Variants in LMBR1 observed in about 807,000 individuals in gnomAD.
LMBR1 encodes limb development membrane protein 1.
Under a neutral mutation model 73.9 loss-of-function variants are expected in LMBR1, and 52 were observed. That is an observed-to-expected ratio of 0.70 (90% CI 0.56 to 0.89). The LOEUF is 0.89. LMBR1 is among the 40% of genes least tolerant of loss of function. LMBR1 has a pLI of 0.00. For missense variants in LMBR1, 539 were observed against 579.8 expected, an observed-to-expected ratio of 0.93 and a Z score of 0.72; for synonymous variants, 215 against 209.4, an observed-to-expected ratio of 1.03 and a Z score of -0.23.
At chr7:156,671,078 G>A (rs1362157821) in intron 4 of LMBR1, among the ~76,000 whole-genome samples, 1 of 152,212 alleles carries the variant, frequency 6.6e-6, no homozygotes, top group Non-Finnish European at 1.5e-5. Context: ...AATAATGTAA[G>A]TATGCACTTC....
intron 10 of LMBR1, among the ~76,000 whole-genome samples, chr7:156,729,564 G>C (rs576085288): frequency 1.3e-5 from 2 of 150,062 alleles, no homozygotes; most frequent in Non-Finnish European, 3.0e-5. Flanking sequence ...ACGTCTGCCT[G>C]CCGGGTTCAA....
intron 10 of LMBR1, among the ~76,000 whole-genome samples, chr7:156,729,187 A>G (rs1816363301): frequency 1.3e-5 from 2 of 152,114 alleles, no homozygotes; most frequent in Admixed American, 1.3e-4. Context: ...TAAACACCTC[A>G]ATCCTGTGAT....
intron 9 of LMBR1, among the ~76,000 whole-genome samples, chr7:156,739,582 G>A (rs1033735021): frequency 8.5e-5 from 13 of 152,178 alleles, no homozygotes; most frequent in Non-Finnish European, 1.9e-4. Context: ...CTCAGCTCTA[G>A]GAAGCTCAGC....
intron 1 of LMBR1, among the ~76,000 whole-genome samples, chr7:156,864,014 T>C (rs1286226696): frequency 6.6e-6 from 1 of 151,852 alleles, no homozygotes; most frequent in African/African-American, 2.4e-5. Context: ...ATTAGCCAGC[T>C]GTGGTGGCAC....
At chr7:156,882,956 G>A (rs1283249284) in intron 1 of LMBR1, among the ~76,000 whole-genome samples, 7 of 152,094 alleles carry the variant, frequency 4.6e-5, no homozygotes, top group South Asian at 2.1e-4. Context: ...ACTTGAACCC[G>A]GGAGGTGGAG....
chr7:156,877,218 C>T (rs1368219771), intron 1 of LMBR1, among the ~76,000 whole-genome samples: 2 of 151,806 alleles, frequency 1.3e-5, no homozygotes, highest in East Asian at 3.9e-4. Flanking sequence ...GAATTAGGTA[C>T]CCCAAATAGA....
intron 5 of LMBR1, among the ~76,000 whole-genome samples, chr7:156,771,715 C>T (rs1021367618): frequency 2.6e-5 from 4 of 152,092 alleles, no homozygotes; most frequent in South Asian, 2.1e-4. Flanking sequence ...AAATAAAGGA[C>T]ACCTCCCTAA....
At chr7:156,858,903 C>A (rs185861377) in intron 1 of LMBR1, among the ~76,000 whole-genome samples, 4 of 152,090 alleles carry the variant, frequency 2.6e-5, no homozygotes, top group Admixed American at 1.3e-4. Context: ...AAAAAAAATT[C>A]TCAACTTGAT....
At chr7:156,839,519 A>T (rs1040747994) in intron 1 of LMBR1, among the ~76,000 whole-genome samples, 1 of 151,902 alleles carries the variant, frequency 6.6e-6, no homozygotes, top group African/African-American at 2.4e-5. Context: ...GGAAAAAAAA[A>T]TTGAAGACTC....
intron 4 of LMBR1, among the ~76,000 whole-genome samples, chr7:156,802,796 C>A (rs1249212705): frequency 6.6e-6 from 1 of 152,026 alleles, no homozygotes; most frequent in African/African-American, 2.4e-5. Context: ...CCCCTGATTC[C>A]CAGTCAGCCA....
intron 5 of LMBR1, among the ~76,000 whole-genome samples, chr7:156,776,121 T>A (rs1233370610): frequency 6.7e-6 from 1 of 148,510 alleles, no homozygotes; most frequent in East Asian, 1.9e-4. Context: ...TATATATATT[T>A]TATATATATA....
chr7:156,808,476 AGTGGGTATCCTGC>A (rs1832533826), intron 4 of LMBR1, among the ~76,000 whole-genome samples: 1 of 152,148 alleles, frequency 6.6e-6, no homozygotes, highest in Non-Finnish European at 1.5e-5. Context: ...TTGTCTTTAC[AGTGGGTATCCTGC>A]AAGCAGATAT....
At chr7:156,672,735 A>G (rs895913527) in intron 4 of LMBR1, among the ~76,000 whole-genome samples, 3 of 152,196 alleles carry the variant, frequency 2.0e-5, no homozygotes, top group African/African-American at 7.2e-5. Flanking sequence ...ATACATATTT[A>G]TATGTGGCCC....
chr7:156,708,764 A>G (rs185002865), intron 15 of LMBR1, among the ~76,000 whole-genome samples: 24 of 152,278 alleles, frequency 1.6e-4, no homozygotes, highest in African/African-American at 5.8e-4. Flanking sequence ...GGAAGGGCAA[A>G]GCCTGAAAGC....
At chr7:156,885,633 T>C (rs182683691) in intron 1 of LMBR1, among the ~76,000 whole-genome samples, 7 of 152,118 alleles carry the variant, frequency 4.6e-5, no homozygotes, top group Non-Finnish European at 1.0e-4. Flanking sequence ...TCCCAGCACT[T>C]TGGGAGGCCA....
intron 15 of LMBR1, among the ~76,000 whole-genome samples, chr7:156,702,779 T>A (rs1021679250): frequency 1.3e-5 from 2 of 152,250 alleles, no homozygotes; most frequent in African/African-American, 4.8e-5. Context: ...GGAGTTGAAA[T>A]CTTTTGTCCA....
At chr7:156,799,849 A>T (rs1280374800) in intron 4 of LMBR1, among the ~76,000 whole-genome samples, 1 of 152,242 alleles carries the variant, frequency 6.6e-6, no homozygotes, top group Non-Finnish European at 1.5e-5. Flanking sequence ...CAAGAAAGCA[A>T]AACAGCCTTA....
chr7:156,677,465 G>T (rs1804282236), downstream of LMBR1, among the ~76,000 whole-genome samples: 1 of 152,144 alleles, frequency 6.6e-6, no homozygotes, highest in South Asian at 2.1e-4. Context: ...AGTCCCCAGT[G>T]AATCCTGTCA....
intron 8 of LMBR1, 30 bp downstream of exon 8, chr7:156,762,104 A>G (rs1385232518): frequency 7.7e-7 from 1 of 1,304,142 alleles, no homozygotes; most frequent in African/African-American, 1.5e-5. Flanking sequence ...TTTATTTAAT[A>G]AACAAAATGA....
Sources: gnomAD v4.1 joint callset for allele counts (sites outside exome capture counted in the v4.1 genomes callset) on GRCh38, gnomAD v4.1.1 for gene constraint, MANE v1.5 for transcripts, NCBI Gene and HGNC (gene_info 2026-07-23, HGNC 2026-07-21) for gene names.